The following ACBD6 variants were observed in gnomAD, a reference collection of about 807,000 sequenced individuals.
The protein encoded by ACBD6 is acyl-CoA binding domain containing 6.
A neutral mutation model predicts 37.2 loss-of-function variants in ACBD6; 28 were observed. The ratio of observed to expected loss-of-function variants is 0.75; its 90% CI spans 0.56 to 1.03. The LOEUF (loss-of-function observed/expected upper bound fraction) is 1.03. Ranked by LOEUF, ACBD6 falls within the 50% of genes least tolerant of loss-of-function variation. The pLI, the probability that ACBD6 is intolerant of heterozygous loss-of-function variation, is 0.00. For missense variants in ACBD6, 340 were observed against 337.4 expected (o/e 1.01, Z -0.06); for synonymous variants, 113 against 126.8 (o/e 0.89, Z 0.73).
intron 6 of ACBD6, among the ~76,000 whole-genome samples, chr1:180,349,286 GTCTCGC>G (rs1652310903): frequency 6.9e-6 from 1 of 145,076 alleles, no homozygotes; most frequent in African/African-American, 2.6e-5. Context: ...TTTTGGAAAC[GTCTCGC>G]TCTGTCGCCC....
chr1:180,289,047 A>C (rs1017235900), intron 7 of ACBD6, among the ~76,000 whole-genome samples: 1 of 151,524 alleles, frequency 6.6e-6, no homozygotes, highest in African/African-American at 2.4e-5. Context: ...CTAAAAAAAA[A>C]AAAAAAAAAA....
chr1:180,435,652 G>C, intron 3 of ACBD6: 1 of 989,586 alleles, frequency 1.0e-6, no homozygotes, highest in Non-Finnish European at 1.6e-6. Context: ...TGAATGACGG[G>C]ACAGAGTTTG....
intron 6 of ACBD6, among the ~76,000 whole-genome samples, chr1:180,363,156 T>C (rs150271923): frequency 2.0e-5 from 3 of 152,348 alleles, no homozygotes; most frequent in Non-Finnish European, 2.9e-5. Flanking sequence ...TGTTGTGAGA[T>C]AGCAGTACAG....
chr1:180,324,939 T>C (rs1307801658), intron 6 of ACBD6, among the ~76,000 whole-genome samples: 40 of 152,174 alleles, frequency 2.6e-4, no homozygotes, highest in Admixed American at 2.6e-3. Flanking sequence ...TCTCCTAGCC[T>C]GTTTAGGTTT....
intron 4 of ACBD6, among the ~76,000 whole-genome samples, chr1:180,421,267 T>C (rs187366759): frequency 2.6e-4 from 39 of 152,326 alleles, no homozygotes; most frequent in African/African-American, 8.9e-4. Flanking sequence ...ACATGTGGTG[T>C]TTGGTTTTCT....
chr1:180,461,951 G>A (rs1218138139), intron 3 of ACBD6, among the ~76,000 whole-genome samples: 1 of 152,014 alleles, frequency 6.6e-6, no homozygotes, highest in African/African-American at 2.4e-5. Context: ...TGTAAATGGG[G>A]TAGGCTGGGC....
At chr1:180,285,138 A>G (rs1325106980), downstream of ACBD6, among the ~76,000 whole-genome samples, 2 of 152,198 alleles carry the variant, frequency 1.3e-5, no homozygotes, top group Middle Eastern at 3.2e-3. Context: ...CCCTGACTCA[A>G]AAAGACGAAA....
intron 6 of ACBD6, among the ~76,000 whole-genome samples, chr1:180,392,471 G>A (rs1029096194): frequency 2.6e-5 from 4 of 152,126 alleles, no homozygotes; most frequent in African/African-American, 4.8e-5. Context: ...AAATTTTACA[G>A]TGAATAGGTT....
chr1:180,388,756 C>T (rs1653950003), intron 6 of ACBD6, among the ~76,000 whole-genome samples: 1 of 151,820 alleles, frequency 6.6e-6, no homozygotes, highest in African/African-American at 2.4e-5. Context: ...TTAATTGTAT[C>T]TCTATACATT....
At chr1:180,395,609 A>AGG (rs1440373238) in intron 6 of ACBD6, among the ~76,000 whole-genome samples, 2 of 152,196 alleles carry the variant, frequency 1.3e-5, no homozygotes, top group Non-Finnish European at 2.9e-5. Context: ...AAGGTACCCA[A>AGG]ATCAGTCATT....
chr1:180,435,796 T>C, intron 3 of ACBD6: 1 of 926,004 alleles, frequency 1.1e-6, no homozygotes, highest in Admixed American at 1.7e-5. Flanking sequence ...GCTTCTCGGC[T>C]AAAGTGAATA....
intron 3 of ACBD6, among the ~76,000 whole-genome samples, chr1:180,486,552 G>T (rs1651270692): frequency 6.6e-6 from 1 of 152,066 alleles, no homozygotes; most frequent in South Asian, 2.1e-4. Context: ...TGAATAAATG[G>T]GCAGAAAGGG....
intron 7 of ACBD6, among the ~76,000 whole-genome samples, chr1:180,312,157 G>A (rs1650619313): frequency 6.6e-6 from 1 of 152,114 alleles, no homozygotes; most frequent in South Asian, 2.1e-4. Context: ...TGAATTTGTA[G>A]TTTGACTTGG....
chr1:180,485,613 A>G (rs7552701), intron 3 of ACBD6, among the ~76,000 whole-genome samples: 10,396 of 152,290 alleles, frequency 0.068, 429 homozygotes, highest in African/African-American at 0.1. Flanking sequence ...CAACCTTCAC[A>G]GGGAGCATGG....
chr1:180,280,744 G>A (rs1649282722), intron 9 of ACBD6, among the ~76,000 whole-genome samples: 1 of 152,176 alleles, frequency 6.6e-6, no homozygotes, highest in East Asian at 1.9e-4. Context: ...ATATTGGTAG[G>A]GGAATACAGA....
chr1:180,360,433 T>A (rs1472049748), intron 6 of ACBD6, among the ~76,000 whole-genome samples: 1 of 152,198 alleles, frequency 6.6e-6, no homozygotes, highest in Non-Finnish European at 1.5e-5. Context: ...TGGCCAGTGG[T>A]TCTCCAACTG....
At chr1:180,271,119 G>A (rs1034784637) in exon 14 of ACBD6, 2 of 546,572 alleles carry the variant, frequency 3.7e-6, no homozygotes, top group Non-Finnish European at 6.6e-6. Flanking sequence ...GTGCAGCTGG[G>A]CTGGCAGGGG....
At chr1:180,464,006 C>T (rs956203262) in intron 3 of ACBD6, among the ~76,000 whole-genome samples, 1 of 152,130 alleles carries the variant, frequency 6.6e-6, no homozygotes, top group Non-Finnish European at 1.5e-5. Flanking sequence ...CTCAACATCC[C>T]TTCATGTTAA....
intron 5 of ACBD6, among the ~76,000 whole-genome samples, chr1:180,406,822 T>G (rs1647648070): frequency 6.6e-6 from 1 of 152,128 alleles, no homozygotes; most frequent in South Asian, 2.1e-4. Flanking sequence ...TAGGGAAATA[T>G]CTCAATTTCA....
Sources: gnomAD v4.1 joint callset for allele counts (sites outside exome capture counted in the v4.1 genomes callset) on GRCh38, gnomAD v4.1.1 for gene constraint, MANE v1.5 for transcripts, NCBI Gene and HGNC (gene_info 2026-07-23, HGNC 2026-07-21) for gene names.